The following DNA2 variants were observed in gnomAD, a reference collection of about 807,000 sequenced individuals.
DNA2 encodes DNA replication ATP-dependent helicase/nuclease DNA2.
In DNA2, 101 loss-of-function variants were observed where a neutral mutation model predicts 119.1. That is an observed-to-expected ratio of 0.85 (90% confidence interval 0.72 to 1.00). DNA2 has a LOEUF of 1.00. DNA2 is among the 50% of genes least tolerant of loss of function. The pLI, the probability that DNA2 is intolerant of heterozygous loss-of-function variation, is 0.00. For synonymous variants in DNA2, 366 were observed against 424.4 expected, an observed-to-expected ratio of 0.86 and a Z score of 1.69; for missense variants, 1,121 against 1,255.5, an observed-to-expected ratio of 0.89 and a Z score of 1.62.
In DNA2 at chr10:68,430,418, T is replaced by C. The variant is rs753324337; in HGVS notation, c.2208+18A>G. On this transcript the variant is annotated intron_variant, in intron 14 of 20. Coordinates refer to ENST00000358410, the MANE Select transcript of DNA2 (RefSeq NM_001080449.3). Reference sequence around the variant, plus strand: ...TGGACATTAACTGTTAGTATTATTATACAATAATTGTGCTTACTTGACTAT... The same window carrying C: ...TGGACATTAACTGTTAGTATTATTACACAATAATTGTGCTTACTTGACTAT... 1.3e-5 allele frequency: 20 copies of C among 1,518,436 alleles called. 1 individual carries two copies. Among genetic ancestry groups the C allele is most frequent in the East Asian group, 4.6e-5 (2 of 43,506 alleles). 94.1% of individuals were successfully genotyped at this position (1,518,436 alleles called of 1,614,324 possible).
intron 4 of DNA2, among the ~76,000 whole-genome samples, chr10:68,464,689 C>T (rs1006631548): frequency 4.9e-5 from 7 of 143,164 alleles, no homozygotes; most frequent in Admixed American, 3.5e-4. Context: ...ATTAGCCAGG[C>T]GTGGTGGTGC....
intron 14 of DNA2, among the ~76,000 whole-genome samples, chr10:68,425,640 A>G (rs2051730437): frequency 6.6e-6 from 1 of 151,552 alleles, no homozygotes; most frequent in African/African-American, 2.4e-5. Flanking sequence ...TGACCTCGTG[A>G]TCCGCCTGCC....
In DNA2 at chr10:68,449,051, G is replaced by A. The variant is rs192837102; in HGVS notation, c.939+977C>T. The stretch of plus-strand genomic sequence containing the variant: ...CGACCTCAAGTGATCCACCCACCTC[G>A]GCCTCCCAAAGTGCTGGGATTACAG... On this transcript the variant is annotated intron_variant, in intron 6 of 20. Coordinates refer to ENST00000358410, the MANE Select transcript of DNA2 (RefSeq NM_001080449.3). 4.0e-3 allele frequency among the ~76,000 whole-genome samples: 605 copies of A among 150,990 alleles called. 7 individuals are homozygous for A. Among genetic ancestry groups the A allele is most frequent in the African/African-American group, 0.014 (585 of 40,746 alleles).
At position 68,446,416 on chromosome 10, in the gene DNA2, G is replaced by A; in HGVS notation, c.940-3C>T. 1 of 1,545,950 alleles carries A rather than the reference G, an allele frequency of 6.5e-7. No individual in the cohort carries two copies. Among genetic ancestry groups the A allele is most frequent in the African/African-American group, 1.4e-5 (1 of 73,212 alleles). On this transcript the variant is annotated splice_polypyrimidine_tract_variant and splice_region_variant and intron_variant, in intron 6 of 20. Coordinates refer to ENST00000358410, the MANE Select transcript of DNA2 (RefSeq NM_001080449.3). ...CTTAGTAGAGTGTACAGAACAACCT[G>A]TGCAAACATTGACATTTGCTCAAAC...
intron 2 of DNA2, among the ~76,000 whole-genome samples, chr10:68,469,582 C>G (rs2052363490): frequency 6.6e-6 from 1 of 152,082 alleles, no homozygotes; most frequent in East Asian, 1.9e-4. Context: ...CCTGCCTCAG[C>G]CTCCAGAGTA....
chr10:68,416,841 C>T lies in DNA2; in HGVS notation c.2982G>A (p.Leu994=). The T allele has an allele frequency of 6.2e-7, 1 of 1,608,312 alleles. No homozygotes were observed. The highest frequency in any genetic ancestry group is 1.3e-5 in the African/African-American group (1 of 74,724). ...CAACATTAAGACGTCGCCAATCTTT[C>T]AAGAGTTCACCAACCTGTAAGAAAT... The part of the protein sequence containing the change: ...SNKDGTVGEL[L]KDWRRLNVAI... The change falls in exon 20 of 21, where the codon TTG becomes TTA. Residue 994 remains leucine (L), a synonymous_variant. Transcript: ENST00000358410.
chr10:68,421,170 C>T (rs10998151), intron 17 of DNA2, among the ~76,000 whole-genome samples: 4,664 of 143,606 alleles, frequency 0.032, 101 homozygotes, highest in Non-Finnish European at 0.047. Flanking sequence ...CTCCTGACCC[C>T]AGTGATCCAC....
Position 68,419,122 on chromosome 10 carries a change from A to G in DNA2, c.2879T>C (p.Met960Thr), listed in dbSNP as rs758808030. 5.6e-6 allele frequency: 9 copies of G among 1,613,492 alleles called. No homozygotes were observed. Among genetic ancestry groups the G allele is most frequent in the South Asian group, 1.1e-5 (1 of 91,008 alleles). Residue 960 changes from methionine to threonine, a missense_variant, in exon 19 of 21, where the codon ATG (methionine) becomes ACG (threonine). Transcript: ENST00000358410. ...TTTGTCTACTGTATTAACTTCGACCATCCCAATAGAACGTGCCAATAAATC... is the reference window on the plus strand; with the variant it reads ...TTTGTCTACTGTATTAACTTCGACCGTCCCAATAGAACGTGCCAATAAATC... ...INDLLARSIG[M>T]VEVNTVDKYQ...
intron 9 of DNA2, 46 bp from the exon 10 acceptor site, chr10:68,437,287 C>G: frequency 2.8e-6 from 4 of 1,448,512 alleles, no homozygotes; most frequent in Non-Finnish European, 3.8e-6. Flanking sequence ...ATATTACATA[C>G]GTAAGTATTG....
chr10:68,434,460 C>T (rs1311554589), intron 10 of DNA2, among the ~76,000 whole-genome samples: 1 of 145,366 alleles, frequency 6.9e-6, no homozygotes, highest in Non-Finnish European at 1.5e-5. Context: ...CCAGGCTGGG[C>T]AACGTAGTGA....
At chr10:68,439,791 T>C (rs926686029) in intron 9 of DNA2, among the ~76,000 whole-genome samples, 4 of 151,390 alleles carry the variant, frequency 2.6e-5, no homozygotes, top group African/African-American at 9.7e-5. Context: ...TGAGCCAAGA[T>C]TGTGCCATTG....
rs982499915 is a variant in DNA2, at chr10:68,447,174, G to A, written c.940-761C>T. 2.0e-5 allele frequency among the ~76,000 whole-genome samples: 3 copies of A among 152,010 alleles called. No individual in the cohort carries two copies. The South Asian group carries it at 6.2e-4, about 31-fold the overall frequency. Reference sequence around the variant, plus strand: ...TTAAAAGCATAAAAACAAAAACGTAGTGAGATCCCCATTTCTACAAAAAGA... The same window carrying A: ...TTAAAAGCATAAAAACAAAAACGTAATGAGATCCCCATTTCTACAAAAAGA... On this transcript the variant is annotated intron_variant, in intron 6 of 20. Transcript: ENST00000358410.
chr10:68,430,545 C>T lies in DNA2; in HGVS notation c.2099G>A (p.Gly700Asp), dbSNP rs1490846454. ...AGCTGGATGAACCTTCTGAATCTGA[C>T]CCAAACGCAAAAATCCTATTTTAAA... ...AKFKIGFLRLGQIQKVHPAIQ... is the reference protein window; with the variant it reads ...AKFKIGFLRLDQIQKVHPAIQ... Residue 700 changes from glycine (G) to aspartate (D), a missense_variant, in exon 14 of 21, where the codon GGT becomes GAT. Gly to Asp is a moderately conservative substitution (Grantham distance 94). Transcript: ENST00000358410. The T allele has an allele frequency of 1.1e-5, 17 of 1,610,422 alleles. No homozygotes were observed. Among genetic ancestry groups the T allele is most frequent in the Non-Finnish European group, 1.4e-5 (17 of 1,178,318 alleles).
chr10:68,424,823 G>C, intron 14 of DNA2: 1 of 948,198 alleles, frequency 1.1e-6, no homozygotes, highest in Non-Finnish European at 1.7e-6. Context: ...TGCAGCGTGA[G>C]TAGGCCAACA....
Position 68,471,911 on chromosome 10 carries a change from C to T in DNA2, c.-47G>A, listed in dbSNP as rs558275023. The T allele has an allele frequency of 1.2e-6, 2 of 1,613,806 alleles. No homozygotes were observed. The highest frequency in any genetic ancestry group is 1.1e-5 in the South Asian group (1 of 91,082). ...CTGTAGACAGAAAAGACAGCGGAAC[C>T]GGGGGTAACACAGAAAGCTTAGAAA... On this transcript the variant is annotated 5_prime_UTR_variant, in exon 1 of 21. Transcript: ENST00000358410.
At chr10:68,424,515 A>C (rs562963689) in intron 14 of DNA2, 40 of 654,684 alleles carry the variant, frequency 6.1e-5, no homozygotes, top group Non-Finnish European at 9.3e-5. Context: ...AAAAAAAAAA[A>C]AAAAACAAAA....
At chr10:68,420,189 C>A (rs1029609021) in intron 17 of DNA2, among the ~76,000 whole-genome samples, 35 of 152,164 alleles carry the variant, frequency 2.3e-4, no homozygotes, top group Admixed American at 2.3e-3. Context: ...GAATCAAAGG[C>A]AGAAAAGAAT....
rs527246445 is a variant in DNA2 at position 68,446,251 on chromosome 10, G to T, written c.1057+45C>A. The stretch of plus-strand genomic sequence containing the variant: ...AATATGTATCACTAGAAGCTGAAGT[G>T]GGGGGGTGGGCAAAGAAGTAAAACT... On this transcript the variant is annotated intron_variant, in intron 7 of 20. Coordinates refer to ENST00000358410, the MANE Select transcript of DNA2 (RefSeq NM_001080449.3). 69 of 995,814 alleles carry T rather than the reference G, an allele frequency of 6.9e-5. 1 individual carries two copies. The highest frequency in any genetic ancestry group is 5.5e-4 in the South Asian group (38 of 68,850). 61.7% of individuals were successfully genotyped at this position (995,814 alleles called of 1,614,324 possible).
At chr10:68,422,643 A>G (rs1198699685) in intron 15 of DNA2, 39 bp from the exon 16 acceptor site, 20 of 1,613,322 alleles carry the variant, frequency 1.2e-5, no homozygotes, top group Non-Finnish European at 1.7e-5. Context: ...AGTGTACTAA[A>G]TCTGTTCCTT....
Sources: gnomAD v4.1 joint callset for allele counts (sites outside exome capture counted in the v4.1 genomes callset) on GRCh38, gnomAD v4.1.1 for gene constraint, MANE v1.5 for transcripts, NCBI Gene and HGNC (gene_info 2026-07-23, HGNC 2026-07-21) for gene names.